CEACAM20: variants seen among roughly 807,000 people sequenced by gnomAD.
CEACAM20 encodes the protein CEA cell adhesion molecule 20.
A neutral mutation model predicts 61.2 loss-of-function variants in CEACAM20; 50 were observed. That is an observed-to-expected ratio of 0.82 (90% CI 0.65 to 1.03). The LOEUF is 1.03. Ranked by LOEUF, CEACAM20 falls within the 50% of genes least tolerant of loss-of-function variation. The pLI, the probability that CEACAM20 is intolerant of heterozygous loss-of-function variation, is 0.00. For synonymous variants in CEACAM20, 282 were observed against 287.7 expected (o/e 0.98, Z 0.20); for missense variants, 683 against 736.4 (o/e 0.93, Z 0.84).
chr19:44,526,556 C>A (rs1568460179), intron 1 of CEACAM20, among the ~76,000 whole-genome samples: 1 of 150,900 alleles, frequency 6.6e-6, no homozygotes, highest in Non-Finnish European at 1.5e-5. Flanking sequence ...TCCATTTGAT[C>A]ATTCTGCACA....
In CEACAM20 at chr19:44,522,936, G is replaced by A. The variant is rs761671938; in HGVS notation, c.473-24C>T. ...ATCTGAGAGGACAGGAACAATTACA[G>A]CAGTAACAACAGCATCAGCAACAGG... On this transcript the variant is annotated intron_variant, in intron 3 of 11. Transcript: ENST00000614924. 8 of 1,581,654 alleles carry A rather than the reference G, an allele frequency of 5.1e-6. No homozygotes were observed. The South Asian group carries it at 8.1e-5, about 16-fold the overall frequency.
rs560027479 is a variant in CEACAM20 at position 44,510,887 on chromosome 19, G to A, written c.1737+143C>T. 1.8e-5 allele frequency: 17 copies of A among 928,040 alleles called. No homozygotes were observed. The African/African-American group carries it at 2.9e-4, about 16-fold the overall frequency. 57.5% of individuals were successfully genotyped at this position (928,040 alleles called of 1,614,324 possible). ...AAACCAACTAGAAAATGACATGATG[G>A]AAATGGATAGGATGGAATTGAGAAG... On this transcript the variant is annotated intron_variant, in intron 11 of 11. Transcript: ENST00000614924.
rs150222142 is a variant in CEACAM20 at position 44,512,056 on chromosome 19, G to T, written c.1536C>A (p.Arg512=). ...PSSESLSPEY[R]NISQLQGRIR... is the part of the protein sequence containing the mutation. ...TCCGTCCCTGAAGCTGGGATATATT[G>T]CGATACTCAGGACTCAGGCTTTCTA... is the stretch of plus-strand genomic sequence containing the variant. The change falls in exon 9 of 12, where the codon CGC becomes CGA. Residue 512 remains arginine, a synonymous_variant. Coordinates refer to ENST00000614924, the MANE Select transcript of CEACAM20 (RefSeq NM_001102597.3). 308 of 1,609,874 alleles carry T rather than the reference G, an allele frequency of 1.9e-4. 1 individual carries two copies. The African/African-American group carries it at 3.3e-3, about 17-fold the overall frequency.
intron 11 of CEACAM20, among the ~76,000 whole-genome samples, chr19:44,510,378 T>A (rs1970935646): frequency 6.6e-6 from 1 of 151,870 alleles, no homozygotes; most frequent in East Asian, 1.9e-4. Context: ...CTGGGTGTGA[T>A]GGCTCGTGCC....
intron 5 of CEACAM20, among the ~76,000 whole-genome samples, chr19:44,517,811 G>A (rs190080392): frequency 1.8e-3 from 276 of 152,064 alleles, no homozygotes; most frequent in African/African-American, 5.1e-3. Context: ...GCTCACACCT[G>A]TAATCTTAGC....
At chr19:44,515,503 A>G (rs1971129916) in intron 6 of CEACAM20, among the ~76,000 whole-genome samples, 1 of 152,200 alleles carries the variant, frequency 6.6e-6, no homozygotes, top group Non-Finnish European at 1.5e-5. Flanking sequence ...GCCTGGTTTC[A>G]AACCCCAATG....
intron 8 of CEACAM20, 58 bp from the exon 9 acceptor site, chr19:44,512,136 G>T: frequency 7.2e-7 from 1 of 1,380,984 alleles, no homozygotes; most frequent in Non-Finnish European, 1.0e-6. Flanking sequence ...GGGGCAAGGG[G>T]CTGTTTTTCC....
At chr19:44,507,158 G>A (rs990543811) in intron 11 of CEACAM20, among the ~76,000 whole-genome samples, 1 of 152,134 alleles carries the variant, frequency 6.6e-6, no homozygotes, top group Non-Finnish European at 1.5e-5. Flanking sequence ...AGCCTCTGTT[G>A]CTACAAGGAG....
rs1330313356 is a variant in CEACAM20 at position 44,518,171 on chromosome 19, A to AAAGC, written c.1031-951_1031-948dup. On this transcript the variant is annotated intron_variant, in intron 5 of 11. Transcript: ENST00000614924. ...GGAAGGAAGGAAGGAAGGAAGGAAG[A>AAAGC]AAGCAGGCAGGCAGGCAGGCAGGCA... Among the ~76,000 whole-genome samples the AAAGC allele has an allele frequency of 5.8e-3, 757 of 130,736 alleles. 16 individuals carry two copies. The highest frequency in any genetic ancestry group is 7.6e-3 in the Middle Eastern group (2 of 262). 85.8% of individuals were successfully genotyped at this position (130,736 alleles called of 152,430 possible).
intron 11 of CEACAM20, among the ~76,000 whole-genome samples, chr19:44,509,209 C>T (rs984549167): frequency 5.4e-5 from 8 of 149,020 alleles, no homozygotes; most frequent in East Asian, 2.0e-4. Flanking sequence ...AAAATTGTAA[C>T]AGAAAGAAAG....
chr19:44,517,704 A>G lies in CEACAM20; in HGVS notation c.1031-480T>C, dbSNP rs1971210081. Among the ~76,000 whole-genome samples, 5 of 151,580 alleles carry G rather than the reference A, an allele frequency of 3.3e-5. No homozygotes were observed. The South Asian group carries it at 1.0e-3, about 32-fold the overall frequency. ...AGAGCAAGATTCCATCTCAAAAAAA[A>G]AAAAAAAAGAAAAAAAACTGCCTTT... On this transcript the variant is annotated intron_variant, in intron 5 of 11. Coordinates refer to ENST00000614924, the MANE Select transcript of CEACAM20 (RefSeq NM_001102597.3).
intron 11 of CEACAM20, among the ~76,000 whole-genome samples, chr19:44,507,575 A>G (rs1388133365): frequency 2.6e-5 from 4 of 152,236 alleles, no homozygotes; most frequent in Non-Finnish European, 2.9e-5. Flanking sequence ...TAAGAGAGAA[A>G]CAGCTTCTTG....
intron 11 of CEACAM20, 29 bp from the exon 12 acceptor site, chr19:44,506,243 C>A (rs368316358): frequency 1.2e-6 from 2 of 1,607,456 alleles, no homozygotes; most frequent in African/African-American, 2.7e-5. Flanking sequence ...ATGTGAGCTC[C>A]ATTTGCTAGG....
rs764898114 is a variant in CEACAM20 at position 44,520,648 on chromosome 19, G to C, written c.856C>G (p.Gln286Glu). Residue 286 changes from glutamine to glutamate, a missense_variant, in exon 5 of 12, where the codon CAG becomes GAG. Transcript: ENST00000614924. The stretch of plus-strand genomic sequence containing the variant: ...AGGGGCTGGCCACTTAGGAACCACT[G>C]GACATTCACACTCTGATTGACGGTT... ...CQTVNQSVNV[Q>E]WFLSGQPLLP... 6.2e-7 allele frequency: 1 copy of C among 1,614,006 alleles called. No homozygotes were observed. Among genetic ancestry groups the C allele is most frequent in the Non-Finnish European group, 8.5e-7 (1 of 1,179,884 alleles).
intron 6 of CEACAM20, among the ~76,000 whole-genome samples, chr19:44,514,831 A>T (rs981713075): frequency 1.3e-5 from 2 of 151,508 alleles, no homozygotes; most frequent in East Asian, 2.0e-4. Flanking sequence ...AATTTTTTTT[A>T]AATTTTTAAA....
chr19:44,508,121 T>C (rs1056813678), intron 11 of CEACAM20, among the ~76,000 whole-genome samples: 2 of 152,206 alleles, frequency 1.3e-5, no homozygotes, highest in African/African-American at 4.8e-5. Context: ...ACCCTGTCAG[T>C]AGGACATGGA....
intron 11 of CEACAM20, among the ~76,000 whole-genome samples, chr19:44,510,282 C>T (rs942764291): frequency 2.0e-5 from 3 of 151,674 alleles, no homozygotes; most frequent in African/African-American, 7.3e-5. Context: ...GAGGCCAAGG[C>T]GGGCAGATCA....
chr19:44,527,341 G>A, intron 1 of CEACAM20, among the ~76,000 whole-genome samples: 1 of 152,190 alleles, frequency 6.6e-6, no homozygotes, highest in African/African-American at 2.4e-5. Flanking sequence ...TGCCTCAAAT[G>A]CTATTAGAGG....
At chr19:44,516,159 T>A (rs1323861491) in intron 6 of CEACAM20, among the ~76,000 whole-genome samples, 1 of 152,170 alleles carries the variant, frequency 6.6e-6, no homozygotes, top group East Asian at 1.9e-4. Flanking sequence ...ACAGTGACAC[T>A]GTTACCTTCT....
Sources: allele counts gnomAD v4.1 joint callset (sites outside exome capture counted in the v4.1 genomes callset), GRCh38; gene constraint gnomAD v4.1.1; transcripts MANE v1.5; gene names NCBI Gene and HGNC (gene_info 2026-07-23, HGNC 2026-07-21).